The following SRP72 variants were observed in gnomAD, a reference collection of about 807,000 sequenced individuals.
SRP72 encodes signal recognition particle subunit SRP72.
Under a neutral mutation model 96.3 loss-of-function variants are expected in SRP72, and 49 were observed. The observed-to-expected ratio is 0.51, with a 90% CI of 0.40 to 0.65. SRP72 has a LOEUF of 0.65. SRP72 is among the 30% of genes least tolerant of loss of function. The pLI, the probability that SRP72 is intolerant of heterozygous loss-of-function variation, is 0.00. For missense variants in SRP72, 736 were observed against 793.3 expected (o/e 0.93, Z 0.87); for synonymous variants, 267 against 275.2 (o/e 0.97, Z 0.30).
intron 10 of SRP72, among the ~76,000 whole-genome samples, chr4:56,485,988 G>A (rs760232214): frequency 6.6e-5 from 10 of 152,060 alleles, no homozygotes; most frequent in African/African-American, 2.2e-4. Context: ...TAGGTTATAC[G>A]CAAATACTAT....
chr4:56,469,688 C>T lies in SRP72; in HGVS notation c.145C>T (p.His49Tyr). 6.2e-7 allele frequency: 1 copy of T among 1,611,558 alleles called. No homozygotes were observed. Among genetic ancestry groups the T allele is most frequent in the Non-Finnish European group, 8.5e-7 (1 of 1,178,174 alleles). The stretch of plus-strand genomic sequence containing the variant: ...CAACAAAGATGACGTAACTGCCCTG[C>T]ATTGTAAAGTGGTATGCCTTATCCA... The part of the protein sequence containing the change: ...QINKDDVTAL[H>Y]CKVVCLIQNG... Residue 49 changes from histidine (H) to tyrosine (Y), a missense_variant, in exon 2 of 19, where the codon CAT becomes TAT. By Grantham distance (83) the His-to-Tyr change is moderately conservative (BLOSUM62 2). Around this residue, in one of 3 missense-constraint regions of SRP72, gnomAD observed 329 missense variants for 319.0 expected, o/e 1.03. Coordinates refer to ENST00000642900, the MANE Select transcript of SRP72 (RefSeq NM_006947.4).
intron 2 of SRP72, among the ~76,000 whole-genome samples, chr4:56,471,185 G>C (rs1454390068): frequency 6.6e-6 from 1 of 152,204 alleles, no homozygotes; most frequent in East Asian, 1.9e-4. Context: ...GATTATGGTT[G>C]AAACATCAAC....
intron 9 of SRP72, among the ~76,000 whole-genome samples, chr4:56,484,200 A>G (rs1214282977): frequency 6.6e-6 from 1 of 151,292 alleles, no homozygotes; most frequent in Admixed American, 6.6e-5. Flanking sequence ...CGCCTGGCTA[A>G]TTTACTTGTA....
At chr4:56,474,927 T>G (rs911306966) in intron 5 of SRP72, among the ~76,000 whole-genome samples, 1 of 152,200 alleles carries the variant, frequency 6.6e-6, no homozygotes, top group African/African-American at 2.4e-5. Context: ...TCAAGTGATC[T>G]GCCTGCCTTG....
intron 15 of SRP72, among the ~76,000 whole-genome samples, chr4:56,490,927 CAT>C (rs1720885348): frequency 6.6e-6 from 1 of 152,154 alleles, no homozygotes; most frequent in Non-Finnish European, 1.5e-5. Context: ...AAAGAAAAAG[CAT>C]ATTTTATGTG....
At position 56,502,223 on chromosome 4, in the gene SRP72, C is replaced by A. The variant is rs1183203933; in HGVS notation, c.*362C>A. 1.9e-5 allele frequency: 4 copies of A among 209,998 alleles called. No individual in the cohort carries two copies. Among genetic ancestry groups the A allele is most frequent in the East Asian group, 2.6e-4 (2 of 7,798 alleles). The allele number at this position is 209,998 out of a possible 1,614,324, so 13.0% of individuals were successfully genotyped here. On this transcript the variant is annotated 3_prime_UTR_variant, in exon 19 of 19. Coordinates refer to ENST00000642900, the MANE Select transcript of SRP72 (RefSeq NM_006947.4). The stretch of plus-strand genomic sequence containing the variant: ...CTACTTCTATGATTTCAGCTGGAGT[C>A]TGAAGATACTTGTTTCTGTTCAAGT...
At chr4:56,471,894 C>T in intron 3 of SRP72, 51 bp downstream of exon 3, 1 of 1,602,800 alleles carries the variant, frequency 6.2e-7, no homozygotes, top group Non-Finnish European at 8.5e-7. Context: ...GTGAGCATGA[C>T]TACCTCTAGC....
At chr4:56,478,015 A>G (rs1560678265) in intron 6 of SRP72, among the ~76,000 whole-genome samples, 1 of 152,150 alleles carries the variant, frequency 6.6e-6, no homozygotes, top group Non-Finnish European at 1.5e-5. Context: ...GAATTTAGGG[A>G]TATCATTATA....
rs1218052359 is a variant in SRP72 at position 56,490,697 on chromosome 4, C to T, written c.1502+52C>T. The T allele has an allele frequency of 2.1e-6, 3 of 1,423,798 alleles. No homozygotes were observed. The South Asian group carries it at 3.7e-5, about 18-fold the overall frequency. The allele number at this position is 1,423,798 out of a possible 1,614,324, so 88.2% of individuals were successfully genotyped here. On this transcript the variant is annotated intron_variant, in intron 15 of 18. Coordinates refer to ENST00000642900, the MANE Select transcript of SRP72 (RefSeq NM_006947.4). ...AGCTCCTCAGTAGCACAATAGATCTCTTCTGATATCTGTGTTTTGACCAGA... is the reference window on the plus strand; with the variant it reads ...AGCTCCTCAGTAGCACAATAGATCTTTTCTGATATCTGTGTTTTGACCAGA...
rs753714537 is a variant in SRP72, at chr4:56,470,537, CA to C, written c.230+778del. 9.6e-4 allele frequency among the ~76,000 whole-genome samples: 124 copies of C among 129,768 alleles called. 2 individuals carry two copies. The highest frequency in any genetic ancestry group is 2.2e-3 in the South Asian group (9 of 4,180). 85.1% of individuals were successfully genotyped at this position (129,768 alleles called of 152,430 possible). A position where few individuals can be genotyped will look rare whatever the true frequency, so the allele number is the denominator to read the frequency against. ...CCTGGGTGACGGGGAGACTCCGTCT[CA>C]AAAAAAAAAAAAAGTCATTTGTAGG... On this transcript the variant is annotated intron_variant, in intron 2 of 18. Transcript: ENST00000642900.
At chr4:56,496,647 T>C (rs1326102702) in intron 17 of SRP72, among the ~76,000 whole-genome samples, 1 of 152,188 alleles carries the variant, frequency 6.6e-6, no homozygotes, top group Non-Finnish European at 1.5e-5. Context: ...GTAGTTGTTA[T>C]CTATCATTAT....
intron 8 of SRP72, among the ~76,000 whole-genome samples, chr4:56,480,810 C>T (rs984724847): frequency 6.6e-6 from 1 of 152,070 alleles, no homozygotes; most frequent in African/African-American, 2.4e-5. Flanking sequence ...TACTTTATAA[C>T]TATATATTTA....
At chr4:56,467,930 C>T (rs548576027) in intron 1 of SRP72, among the ~76,000 whole-genome samples, 186 bp downstream of exon 1, 1 of 152,218 alleles carries the variant, frequency 6.6e-6, no homozygotes, top group Non-Finnish European at 1.5e-5. Context: ...TCGGCTTCAC[C>T]AGGCCAGCCT....
intron 17 of SRP72, 102 bp downstream of exon 17, chr4:56,495,496 A>T (rs778910284): frequency 3.1e-6 from 2 of 654,372 alleles, no homozygotes; most frequent in Non-Finnish European, 4.9e-6. Context: ...CCTCCCTTGT[A>T]TCTTTGAAAA....
intron 9 of SRP72, among the ~76,000 whole-genome samples, chr4:56,484,089 A>G (rs894430224): frequency 4.7e-5 from 6 of 127,438 alleles, no homozygotes; most frequent in Admixed American, 3.0e-4. Flanking sequence ...GCTGGAGTGC[A>G]GTGGTGCCAT....
At chr4:56,500,403 A>G in intron 17 of SRP72, 133 bp from the exon 18 acceptor site, 1 of 1,013,892 alleles carries the variant, frequency 9.9e-7, no homozygotes, top group East Asian at 2.6e-5. Flanking sequence ...GCTAGATTAT[A>G]CAAACTAAAC....
chr4:56,483,673 G>T (rs76097227), intron 9 of SRP72, among the ~76,000 whole-genome samples: 1 of 126,444 alleles, frequency 7.9e-6, no homozygotes, highest in African/African-American at 2.9e-5. Flanking sequence ...TCTCCAAAAA[G>T]AAAAAAAAAA....
At chr4:56,498,589 C>A (rs2110132880) in intron 17 of SRP72, among the ~76,000 whole-genome samples, 1 of 152,298 alleles carries the variant, frequency 6.6e-6, no homozygotes, top group South Asian at 2.1e-4. Flanking sequence ...GACACAAAAT[C>A]AATGTGCAAA....
rs1720334135 is a variant in SRP72 at position 56,478,384 on chromosome 4, G to T, written c.648G>T (p.Gly216=). 6.2e-7 allele frequency: 1 copy of T among 1,602,498 alleles called. No individual in the cohort carries two copies. Among genetic ancestry groups the T allele is most frequent in the South Asian group, 1.1e-5 (1 of 89,242 alleles). Reference sequence around the variant, plus strand: ...AAAACATTTCTTTCTCTTAGGATGGGACTGAGGAAGACCCACAGGCAGAAC... The same window carrying T: ...AAAACATTTCTTTCTCTTAGGATGGTACTGAGGAAGACCCACAGGCAGAAC... ...CRRSLSEDTD[G]TEEDPQAELA... Residue 216 remains glycine (G), a synonymous_variant, in exon 7 of 19, where the codon GGG becomes GGT. Transcript: ENST00000642900.
Sources: gnomAD v4.1 joint callset for allele counts (sites outside exome capture counted in the v4.1 genomes callset) on GRCh38, gnomAD v4.1.1 for gene constraint, gnomAD v4.1.1 regional missense constraint, MANE v1.5 for transcripts, NCBI Gene and HGNC (gene_info 2026-07-23, HGNC 2026-07-21) for gene names.